SRPX: variants seen among roughly 807,000 people sequenced by gnomAD.
The protein encoded by SRPX is sushi repeat-containing protein SRPX.
Under a neutral mutation model 38.1 loss-of-function variants are expected in SRPX, and 24 were observed. The observed-to-expected ratio is 0.63, with a 90% confidence interval of 0.46 to 0.89. The LOEUF is 0.89. Among genes scored for constraint, SRPX ranks in the 40% least tolerant of loss-of-function variants. SRPX has a pLI of 0.00. For synonymous variants in SRPX, 184 were observed against 153.8 expected, an observed-to-expected ratio of 1.20 and a Z score of -1.45; for missense variants, 416 against 377.8, an observed-to-expected ratio of 1.10 and a Z score of -0.84.
At chrX:38,219,463 T>C (rs1482596775) in intron 1 of SRPX, among the ~76,000 whole-genome samples, 1 of 111,717 alleles carries the variant, frequency 9.0e-6, no homozygotes, top group Non-Finnish European at 1.9e-5. Context: ...GGAATAACAG[T>C]TGCCTGGCAG....
intron 1 of SRPX, among the ~76,000 whole-genome samples, chrX:38,211,865 C>T (rs113748274): frequency 1.8e-5 from 2 of 111,337 alleles, no homozygotes; most frequent in African/African-American, 3.3e-5. Context: ...ATGTGAGGGG[C>T]TGTGTGTTTT....
At chrX:38,171,399 C>T (rs966128660) in intron 4 of SRPX, among the ~76,000 whole-genome samples, 1 of 111,597 alleles carries the variant, frequency 9.0e-6, no homozygotes, top group East Asian at 2.8e-4. Flanking sequence ...CAGGACCACA[C>T]CATGGGAACC....
At chrX:38,215,369 C>T (rs1939408222) in intron 1 of SRPX, among the ~76,000 whole-genome samples, 1 of 111,540 alleles carries the variant, frequency 9.0e-6, no homozygotes, top group South Asian at 3.8e-4. Flanking sequence ...CCAGGTGCTA[C>T]CAATTATCAT....
Position 38,197,918 on chromosome X carries a change from T to C in SRPX, c.98-19574A>G, listed in dbSNP as rs371697554. Among the ~76,000 whole-genome samples, 13 of 111,977 alleles carry C rather than the reference T, an allele frequency of 1.2e-4. No individual in the cohort carries two copies. The East Asian group carries it at 3.1e-3, about 27-fold the overall frequency. On this transcript the variant is annotated intron_variant, in intron 1 of 9. Transcript: ENST00000378533. ...GGTATTCTAAGACTCCAAGACCATCTTGAGATTCCATCAAAGCTTACTGAA... is the reference window on the plus strand; with the variant it reads ...GGTATTCTAAGACTCCAAGACCATCCTGAGATTCCATCAAAGCTTACTGAA...
At position 38,159,326 on chromosome X, in the gene SRPX, G is replaced by T. The variant is rs973380264; in HGVS notation, c.955+691C>A. Among the ~76,000 whole-genome samples, 20 of 112,094 alleles carry T rather than the reference G, an allele frequency of 1.8e-4. 1 individual carries two copies. Among genetic ancestry groups the T allele is most frequent in the African/African-American group, 6.5e-4 (20 of 30,781 alleles). Reference sequence around the variant, plus strand: ...CTCTGTCACTTAACTCTAAATGGGGGCTTCAATTAAAAGAAAGTGATAAAG... The same window carrying T: ...CTCTGTCACTTAACTCTAAATGGGGTCTTCAATTAAAAGAAAGTGATAAAG... On this transcript the variant is annotated intron_variant, in intron 7 of 9. Transcript: ENST00000378533.
At chrX:38,155,301 G>T (rs1420423544) in intron 8 of SRPX, among the ~76,000 whole-genome samples, 1 of 112,414 alleles carries the variant, frequency 8.9e-6, no homozygotes, top group African/African-American at 3.2e-5. Flanking sequence ...ATAGACTTTT[G>T]TATTACTCTC....
intron 1 of SRPX, among the ~76,000 whole-genome samples, chrX:38,187,446 T>C (rs776023826): frequency 1.8e-5 from 2 of 112,055 alleles, no homozygotes; most frequent in Non-Finnish European, 3.8e-5. Flanking sequence ...AAGTAAACTG[T>C]TGTCAAGTTT....
chrX:38,217,476 G>C, intron 1 of SRPX, among the ~76,000 whole-genome samples: 1 of 111,426 alleles, frequency 9.0e-6, no homozygotes, highest in Non-Finnish European at 1.9e-5. Context: ...GGTTCTATAA[G>C]GATAGGATTT....
At chrX:38,150,016 A>G (rs756959156) in intron 9 of SRPX, 122 bp from the exon 10 acceptor site, 1 of 578,436 alleles carries the variant, frequency 1.7e-6, no homozygotes, top group Admixed American at 4.3e-5. Flanking sequence ...GAAGGACTGA[A>G]TCATCCTTTA....
At chrX:38,199,359 T>A (rs1305751094) in intron 1 of SRPX, among the ~76,000 whole-genome samples, 1 of 111,127 alleles carries the variant, frequency 9.0e-6, no homozygotes, top group African/African-American at 3.3e-5. Context: ...TGAGCCGAGA[T>A]CGCGCCACTG....
chrX:38,217,717 T>C (rs1939442374), intron 1 of SRPX, among the ~76,000 whole-genome samples: 1 of 111,895 alleles, frequency 8.9e-6, no homozygotes, highest in Admixed American at 9.4e-5. Context: ...AAAGTGAGAA[T>C]GTTATAGCAA....
chrX:38,206,556 T>G (rs189151775), intron 1 of SRPX, among the ~76,000 whole-genome samples: 1 of 112,073 alleles, frequency 8.9e-6, no homozygotes, highest in African/African-American at 3.2e-5. Flanking sequence ...CAAAGAACTC[T>G]GGACCAGAAA....
intron 2 of SRPX, among the ~76,000 whole-genome samples, chrX:38,176,919 C>T (rs1323372071): frequency 8.9e-6 from 1 of 111,872 alleles, no homozygotes; most frequent in Non-Finnish European, 1.9e-5. Flanking sequence ...ACAATAGAAA[C>T]AATGCCCTAA....
At chrX:38,209,898 G>T (rs768201693) in intron 1 of SRPX, among the ~76,000 whole-genome samples, 77 of 111,565 alleles carry the variant, frequency 6.9e-4, no homozygotes, top group African/African-American at 2.3e-3. Flanking sequence ...AAAGGTTGGG[G>T]TTTTTTTTCT....
intron 5 of SRPX, among the ~76,000 whole-genome samples, chrX:38,163,144 A>G (rs958481003): frequency 8.9e-6 from 1 of 112,543 alleles, no homozygotes; most frequent in African/African-American, 3.2e-5. Context: ...TGTGTATGTG[A>G]CAGCAAATAA....
intron 1 of SRPX, among the ~76,000 whole-genome samples, chrX:38,211,993 A>G (rs1051737877): frequency 1.8e-5 from 2 of 112,022 alleles, no homozygotes; most frequent in African/African-American, 6.5e-5. Flanking sequence ...TTAAGAGCTG[A>G]TCAGTTCCAG....
At position 38,155,591 on chromosome X, in the gene SRPX, A is replaced by G. The variant is rs182876329; in HGVS notation, c.1090-1008T>C. Among the ~76,000 whole-genome samples the G allele has an allele frequency of 3.0e-3, 342 of 112,464 alleles. 1 individual carries two copies. The highest frequency in any genetic ancestry group is 9.0e-3 in the African/African-American group (279 of 30,984). ...CATTGTAGTGCAAAAGCAGTTGTAG[A>G]TCATGCACAAATGAATTAGTGTGGC... On this transcript the variant is annotated intron_variant, in intron 8 of 9. Transcript: ENST00000378533.
At chrX:38,210,529 G>C (rs371228788) in intron 1 of SRPX, among the ~76,000 whole-genome samples, 1 of 112,178 alleles carries the variant, frequency 8.9e-6, no homozygotes, top group East Asian at 2.8e-4. Flanking sequence ...CCAAGATCCT[G>C]GCAGGGCAGC....
chrX:38,205,294 A>T (rs150311519), intron 1 of SRPX, among the ~76,000 whole-genome samples: 99 of 112,428 alleles, frequency 8.8e-4, no homozygotes, highest in African/African-American at 3.0e-3. Context: ...CGAAAGCAGA[A>T]GTTGCCTGAG....
Sources: gnomAD v4.1 joint callset for allele counts (sites outside exome capture counted in the v4.1 genomes callset) on GRCh38, gnomAD v4.1.1 for gene constraint, MANE v1.5 for transcripts, NCBI Gene and HGNC (gene_info 2026-07-23, HGNC 2026-07-21) for gene names.